The following RAPGEF4 variants were observed in gnomAD, a reference collection of about 807,000 sequenced individuals.
RAPGEF4 encodes the protein Rap guanine nucleotide exchange factor 4.
RAPGEF4 carries 66 observed loss-of-function variants against 147.9 expected under a neutral mutation model. The observed-to-expected ratio is 0.45, with a 90% CI of 0.37 to 0.55. The LOEUF (loss-of-function observed/expected upper bound fraction) is 0.55. RAPGEF4 is among the 20% of genes least tolerant of loss of function. The pLI is 0.00. For missense variants in RAPGEF4, 1,071 were observed against 1,257.3 expected (o/e 0.85, Z 2.24); for synonymous variants, 419 against 442.7 (o/e 0.95, Z 0.67).
chr2:173,018,846 T>G lies in RAPGEF4; in HGVS notation c.2155+44T>G, dbSNP rs754579769. 3 of 1,594,976 alleles carry G rather than the reference T, an allele frequency of 1.9e-6. No individual in the cohort carries two copies. The South Asian group carries it at 3.4e-5, about 18-fold the overall frequency. On this transcript the variant is annotated intron_variant, in intron 22 of 30. Coordinates refer to ENST00000397081, the MANE Select transcript of RAPGEF4 (RefSeq NM_007023.4). ...ATTTTAGGCTCTGCAAAATGGGACATTCCATCCAAGCAGAAACTATGTAAG... is the reference window on the plus strand; with the variant it reads ...ATTTTAGGCTCTGCAAAATGGGACAGTCCATCCAAGCAGAAACTATGTAAG...
intron 4 of RAPGEF4, among the ~76,000 whole-genome samples, chr2:172,837,677 C>G (rs940021501): frequency 1.3e-5 from 2 of 152,100 alleles, no homozygotes; most frequent in African/African-American, 2.4e-5. Flanking sequence ...TGGGTTCAAT[C>G]CCACCTCAGC....
intron 6 of RAPGEF4, among the ~76,000 whole-genome samples, chr2:172,944,382 G>A (rs1687470967): frequency 6.6e-6 from 1 of 152,220 alleles, no homozygotes; most frequent in East Asian, 1.9e-4. Flanking sequence ...GAGATTTGTA[G>A]TGTTTCCATG....
In RAPGEF4 at chr2:172,821,080, TC is replaced by T. The variant is rs1689015519; in HGVS notation, c.444+6656del. On this transcript the variant is annotated intron_variant, in intron 4 of 30. Transcript: ENST00000397081. ...CTAATAGGCTTGATGTTTCTATCTG[TC>T]TGTAGCTGTCAGAAAAATGAAAGCC... is the stretch of plus-strand genomic sequence containing the variant. 2.0e-5 allele frequency among the ~76,000 whole-genome samples: 3 copies of T among 152,198 alleles called. No individual in the cohort carries two copies. The South Asian group carries it at 6.2e-4, about 32-fold the overall frequency.
At chr2:172,874,892 A>G (rs1352817529) in intron 4 of RAPGEF4, among the ~76,000 whole-genome samples, 1 of 152,162 alleles carries the variant, frequency 6.6e-6, no homozygotes, top group African/African-American at 2.4e-5. Flanking sequence ...ATTTCTCCAC[A>G]TCCTCTCCAG....
chr2:173,034,873 AACACAC>A (rs34646146), intron 27 of RAPGEF4, among the ~76,000 whole-genome samples: 4,357 of 140,840 alleles, frequency 0.031, 181 homozygotes, highest in African/African-American at 0.098. Context: ...ACCCCGTCTC[AACACAC>A]ACACACACAC....
chr2:172,769,446 A>G (rs1419563216), intron 1 of RAPGEF4, among the ~76,000 whole-genome samples: 2 of 152,168 alleles, frequency 1.3e-5, no homozygotes, highest in Non-Finnish European at 2.9e-5. Context: ...TGGGTGTGAT[A>G]TCCACCCCTG....
rs557854909 is a variant in RAPGEF4, at chr2:172,997,724, T to C, written c.1579+1170T>C. Among the ~76,000 whole-genome samples the C allele has an allele frequency of 1.8e-3, 269 of 152,322 alleles. 1 individual carries two copies. The highest frequency in any genetic ancestry group is 6.0e-3 in the African/African-American group (250 of 41,578). ...AATATTTTAAGCACATTGAGCTCCA[T>C]AGAAGAGCCTTTCTCACTAAAAGAA... On this transcript the variant is annotated intron_variant, in intron 16 of 30. Coordinates refer to ENST00000397081, the MANE Select transcript of RAPGEF4 (RefSeq NM_007023.4).
Position 172,795,177 on chromosome 2 carries a change from G to A in RAPGEF4, c.208+10G>A, listed in dbSNP as rs890216961. On this transcript the variant is annotated intron_variant, in intron 2 of 30. Transcript: ENST00000397081. ...GAAAAGGGAATAACATGTAAGAAATGCAACTCTTGTAGTATATTTCCATGT... is the reference window on the plus strand; with the variant it reads ...GAAAAGGGAATAACATGTAAGAAATACAACTCTTGTAGTATATTTCCATGT... 1.3e-6 allele frequency: 2 copies of A among 1,595,472 alleles called. No individual in the cohort carries two copies. Among genetic ancestry groups the A allele is most frequent in the East Asian group, 2.2e-5 (1 of 44,774 alleles).
At chr2:172,865,792 C>T (rs753652491) in intron 4 of RAPGEF4, among the ~76,000 whole-genome samples, 1 of 152,046 alleles carries the variant, frequency 6.6e-6, no homozygotes, top group Non-Finnish European at 1.5e-5. Context: ...ATCCTCCTTC[C>T]GAGTGAAGGG....
At position 172,885,034 on chromosome 2, in the gene RAPGEF4, G is replaced by A. The variant is rs1398899548; in HGVS notation, c.445-32768G>A. On this transcript the variant is annotated intron_variant, in intron 4 of 30. Transcript: ENST00000397081. Reference sequence around the variant, plus strand: ...GTCCCCTGAAGGCCTCCCATTTCAAGTATCAGTATATCTCTACTTCATCTG... The same window carrying A: ...GTCCCCTGAAGGCCTCCCATTTCAAATATCAGTATATCTCTACTTCATCTG... Among the ~76,000 whole-genome samples, 4 of 152,352 alleles carry A rather than the reference G, an allele frequency of 2.6e-5. No individual in the cohort carries two copies. The East Asian group carries it at 7.7e-4, about 29-fold the overall frequency.
intron 4 of RAPGEF4, chr2:172,917,531 C>A: frequency 1.5e-6 from 1 of 654,054 alleles, no homozygotes; most frequent in Admixed American, 2.0e-5. Context: ...CTAAATATCC[C>A]ACACAATTCA....
chr2:172,831,294 G>A (rs1559064524), intron 4 of RAPGEF4, among the ~76,000 whole-genome samples: 1 of 14,696 alleles, frequency 6.8e-5, no homozygotes, highest in African/African-American at 1.8e-4. Context: ...TTGAGACAGA[G>A]TTTTGCTCTT....
At chr2:172,782,975 G>A (rs1287909843) in intron 1 of RAPGEF4, among the ~76,000 whole-genome samples, 1 of 152,144 alleles carries the variant, frequency 6.6e-6, no homozygotes, top group African/African-American at 2.4e-5. Flanking sequence ...TTTTGAAAAG[G>A]GGCTGTTAAA....
chr2:172,824,449 ATTGAATAATGT>A (rs1228406723), intron 4 of RAPGEF4, among the ~76,000 whole-genome samples: 4 of 152,194 alleles, frequency 2.6e-5, no homozygotes, highest in Non-Finnish European at 5.9e-5. Flanking sequence ...AGATGCTATG[ATTGAATAATGT>A]TTGTTCCTTA....
chr2:173,005,520 G>GTGTT (rs780856305), intron 17 of RAPGEF4, among the ~76,000 whole-genome samples: 1 of 86,736 alleles, frequency 1.2e-5, no homozygotes, highest in African/African-American at 4.6e-5. Flanking sequence ...GTTGTTTTGT[G>GTGTT]TTTTTTTTTT....
chr2:173,034,470 T>C (rs1662948939), intron 27 of RAPGEF4, among the ~76,000 whole-genome samples: 1 of 152,206 alleles, frequency 6.6e-6, no homozygotes, highest in South Asian at 2.1e-4. Context: ...GTTTCATTTT[T>C]GCTTTCATAG....
chr2:172,909,083 G>T (rs1699874368), intron 4 of RAPGEF4, among the ~76,000 whole-genome samples: 1 of 152,168 alleles, frequency 6.6e-6, no homozygotes, highest in Non-Finnish European at 1.5e-5. Flanking sequence ...GGTGGCCTCA[G>T]TGTCAGGAGT....
chr2:172,997,398 A>G lies in RAPGEF4; in HGVS notation c.1579+844A>G, dbSNP rs545965593. Among the ~76,000 whole-genome samples the G allele has an allele frequency of 3.7e-4, 56 of 152,202 alleles. 1 individual carries two copies. The South Asian group carries it at 0.011, about 31-fold the overall frequency. ...CCTTAACTTGACCACATCTGCAAAGACCCTATTTCCAAAGACGATTATATT... is the reference window on the plus strand; with the variant it reads ...CCTTAACTTGACCACATCTGCAAAGGCCCTATTTCCAAAGACGATTATATT... On this transcript the variant is annotated intron_variant, in intron 16 of 30. Coordinates refer to ENST00000397081, the MANE Select transcript of RAPGEF4 (RefSeq NM_007023.4).
intron 4 of RAPGEF4, among the ~76,000 whole-genome samples, chr2:172,888,293 G>A (rs953715917): frequency 1.3e-5 from 2 of 152,206 alleles, no homozygotes; most frequent in South Asian, 2.1e-4. Flanking sequence ...AAAAATCCGA[G>A]GCTGAACAGG....
Sources: allele counts gnomAD v4.1 joint callset (sites outside exome capture counted in the v4.1 genomes callset), GRCh38; gene constraint gnomAD v4.1.1; transcripts MANE v1.5; gene names NCBI Gene and HGNC (gene_info 2026-07-23, HGNC 2026-07-21).